The following NAALADL2 variants were observed in gnomAD, a reference collection of about 807,000 sequenced individuals.
NAALADL2 encodes inactive N-acetylated-alpha-linked acidic dipeptidase-like protein 2.
A neutral mutation model predicts 87.2 loss-of-function variants in NAALADL2; 76 were observed. That is an observed-to-expected ratio of 0.87 (90% CI 0.72 to 1.05). The LOEUF (loss-of-function observed/expected upper bound fraction) is 1.05, where lower values mean the gene tolerates loss of function less well. Among genes scored for constraint, NAALADL2 ranks in the 50% least tolerant of loss-of-function variants. NAALADL2 has a pLI of 0.00. For synonymous variants in NAALADL2, 354 were observed against 331.0 expected (o/e 1.07, Z -0.75); for missense variants, 1,089 against 945.8 (o/e 1.15, Z -1.99).
At chr3:174,675,037 T>C (rs896566142) in intron 2 of NAALADL2, among the ~76,000 whole-genome samples, 1 of 152,120 alleles carries the variant, frequency 6.6e-6, no homozygotes, top group African/African-American at 2.4e-5. Context: ...GATGTAACTT[T>C]TGGTCTAACC....
At chr3:174,539,626 C>T (rs1299514813) in intron 1 of NAALADL2, among the ~76,000 whole-genome samples, 1 of 152,002 alleles carries the variant, frequency 6.6e-6, no homozygotes, top group African/African-American at 2.4e-5. Flanking sequence ...AACATTTCTG[C>T]GAATTTATTT....
chr3:175,802,978 A>T (rs1216383777), intron 13 of NAALADL2, 27 bp from the exon 14 acceptor site: 1 of 1,511,852 alleles, frequency 6.6e-7, no homozygotes, highest in Non-Finnish European at 9.2e-7. Flanking sequence ...TGCATGAAAC[A>T]TTTATACATT....
At chr3:175,085,688 G>A (rs752923375) in intron 1 of NAALADL2, among the ~76,000 whole-genome samples, 27 of 152,156 alleles carry the variant, frequency 1.8e-4, no homozygotes, top group Non-Finnish European at 3.8e-4. Flanking sequence ...ACTTTGGGAG[G>A]CCTAGCAGAT....
At chr3:175,629,380 A>G (rs1727457055) in intron 11 of NAALADL2, among the ~76,000 whole-genome samples, 2 of 149,288 alleles carry the variant, frequency 1.3e-5, no homozygotes, top group African/African-American at 4.9e-5. Flanking sequence ...ATATGAATAT[A>G]TATATATTTA....
At chr3:175,329,095 C>G (rs928283261) in intron 5 of NAALADL2, among the ~76,000 whole-genome samples, 1 of 152,176 alleles carries the variant, frequency 6.6e-6, no homozygotes, top group African/African-American at 2.4e-5. Flanking sequence ...CTCCAGGTAA[C>G]TGGTAATCTA....
Position 175,803,213 on chromosome 3 carries a change from G to T in NAALADL2, c.*10G>T, listed in dbSNP as rs1309082069. The T allele has an allele frequency of 6.4e-7, 1 of 1,572,632 alleles. No homozygotes were observed. The highest frequency in any genetic ancestry group is 1.2e-5 in the South Asian group (1 of 86,846). On this transcript the variant is annotated 3_prime_UTR_variant, in exon 14 of 14. Coordinates refer to ENST00000454872, the MANE Select transcript of NAALADL2 (RefSeq NM_207015.3). ...GGATGGGAAGAATTGAGAAAACTCTGAGCATTTTTAAAAGTTTGTTTACAA... is the reference window on the plus strand; with the variant it reads ...GGATGGGAAGAATTGAGAAAACTCTTAGCATTTTTAAAAGTTTGTTTACAA...
intron 2 of NAALADL2, among the ~76,000 whole-genome samples, chr3:174,582,220 A>G (rs561812287): frequency 1.3e-5 from 2 of 152,324 alleles, no homozygotes; most frequent in East Asian, 3.9e-4. Context: ...GGAATACTGG[A>G]GAACCAAAGT....
At chr3:175,362,753 G>A (rs142524157) in intron 5 of NAALADL2, among the ~76,000 whole-genome samples, 2,836 of 147,932 alleles carry the variant, frequency 0.019, 245 homozygotes, top group African/African-American at 0.066. Context: ...TTAAGGAATC[G>A]CCACACTGTT....
At chr3:174,947,751 C>T (rs1579670002) in intron 1 of NAALADL2, among the ~76,000 whole-genome samples, 1 of 151,956 alleles carries the variant, frequency 6.6e-6, no homozygotes, top group Non-Finnish European at 1.5e-5. Flanking sequence ...CACATACTGA[C>T]ACATATACAC....
At chr3:175,711,042 T>C (rs972533187) in intron 11 of NAALADL2, among the ~76,000 whole-genome samples, 1 of 151,948 alleles carries the variant, frequency 6.6e-6, no homozygotes, top group African/African-American at 2.4e-5. Context: ...ATTGTTCAAG[T>C]TATTACTGGT....
intron 3 of NAALADL2, among the ~76,000 whole-genome samples, chr3:174,842,967 A>AT (rs996966182): frequency 5.9e-5 from 9 of 151,896 alleles, no homozygotes; most frequent in African/African-American, 9.7e-5. Flanking sequence ...TTTCTTTTCA[A>AT]TTTTTTTAAA....
At chr3:175,364,391 TG>T (rs1765334719) in intron 5 of NAALADL2, among the ~76,000 whole-genome samples, 1 of 147,900 alleles carries the variant, frequency 6.8e-6, no homozygotes, top group African/African-American at 2.5e-5. Flanking sequence ...AGAGAAAAGA[TG>T]GCAGGAGAAA....
At chr3:175,064,016 G>A (rs923293932) in intron 1 of NAALADL2, among the ~76,000 whole-genome samples, 1 of 151,958 alleles carries the variant, frequency 6.6e-6, no homozygotes, top group East Asian at 1.9e-4. Flanking sequence ...TCTGTGATGG[G>A]TAAAACAATG....
intron 5 of NAALADL2, among the ~76,000 whole-genome samples, chr3:175,437,103 A>G (rs868542000): frequency 0.031 from 4,580 of 149,854 alleles, 188 homozygotes; most frequent in African/African-American, 0.11. Flanking sequence ...TTTATTAAAT[A>G]GGGAATCCTT....
intron 1 of NAALADL2, among the ~76,000 whole-genome samples, chr3:174,883,645 AT>A (rs1453237080): frequency 2.0e-5 from 3 of 152,314 alleles, no homozygotes; most frequent in African/African-American, 7.2e-5. Flanking sequence ...ACTCATGACA[AT>A]TACAGCCCTC....
At chr3:174,657,188 G>A (rs566489447) in intron 2 of NAALADL2, among the ~76,000 whole-genome samples, 2 of 151,178 alleles carry the variant, frequency 1.3e-5, no homozygotes, top group South Asian at 2.1e-4. Flanking sequence ...TGCCACCACC[G>A]GCCACATTTT....
intron 3 of NAALADL2, among the ~76,000 whole-genome samples, chr3:175,236,140 C>A (rs985316056): frequency 6.6e-6 from 1 of 152,130 alleles, no homozygotes; most frequent in Non-Finnish European, 1.5e-5. Flanking sequence ...AATTAAATTT[C>A]TATGACTCCT....
chr3:174,511,986 C>T (rs1719625873), intron 1 of NAALADL2, among the ~76,000 whole-genome samples: 1 of 151,966 alleles, frequency 6.6e-6, no homozygotes, highest in African/African-American at 2.4e-5. Flanking sequence ...GTTTACTAAA[C>T]CCTACAATAA....
At chr3:174,731,943 G>A (rs1732740873) in intron 2 of NAALADL2, among the ~76,000 whole-genome samples, 1 of 152,090 alleles carries the variant, frequency 6.6e-6, no homozygotes, top group Non-Finnish European at 1.5e-5. Flanking sequence ...GGGCCAAATG[G>A]TCTCAACTGA....
Sources: gnomAD v4.1 joint callset for allele counts (sites outside exome capture counted in the v4.1 genomes callset) on GRCh38, gnomAD v4.1.1 for gene constraint, MANE v1.5 for transcripts, NCBI Gene and HGNC (gene_info 2026-07-23, HGNC 2026-07-21) for gene names.